The following MACROD2 variants were observed in gnomAD, a reference collection of about 807,000 sequenced individuals.
MACROD2 encodes the protein ADP-ribose glycohydrolase MACROD2.
A neutral mutation model predicts 70.4 loss-of-function variants in MACROD2; 36 were observed. The ratio of observed to expected loss-of-function variants is 0.51; its 90% CI spans 0.39 to 0.68. The LOEUF is 0.68. Among genes scored for constraint, MACROD2 ranks in the 30% least tolerant of loss-of-function variants. MACROD2 has a pLI of 0.00. For synonymous variants in MACROD2, 172 were observed against 178.8 expected (o/e 0.96, Z 0.30); for missense variants, 496 against 538.4 (o/e 0.92, Z 0.78).
At chr20:14,558,527 GA>G (rs565600521) in intron 4 of MACROD2, among the ~76,000 whole-genome samples, 60 of 151,596 alleles carry the variant, frequency 4.0e-4, no homozygotes, top group African/African-American at 1.4e-3. Context: ...ATGAATTTAA[GA>G]AAAAAATTGT....
chr20:15,066,380 C>T (rs6079651), intron 5 of MACROD2, among the ~76,000 whole-genome samples: 26,636 of 151,498 alleles, frequency 0.18, 2,812 homozygotes, highest in Non-Finnish European at 0.24. Context: ...GTGATCTGCC[C>T]ACCTCGGCCT....
At chr20:15,103,952 G>A (rs924001454) in intron 5 of MACROD2, among the ~76,000 whole-genome samples, 1 of 152,076 alleles carries the variant, frequency 6.6e-6, no homozygotes, top group Non-Finnish European at 1.5e-5. Context: ...TAGAGAATGG[G>A]TTACAATCAA....
At chr20:14,268,555 T>A (rs1413889812) in intron 3 of MACROD2, among the ~76,000 whole-genome samples, 3 of 152,160 alleles carry the variant, frequency 2.0e-5, no homozygotes, top group Non-Finnish European at 4.4e-5. Flanking sequence ...CAGGAAAATT[T>A]CCATAGATGA....
intron 5 of MACROD2, among the ~76,000 whole-genome samples, chr20:14,929,010 T>C (rs905648071): frequency 1.3e-5 from 2 of 152,130 alleles, no homozygotes; most frequent in Admixed American, 1.3e-4. Flanking sequence ...GCAAGGGAGG[T>C]TTATGAAGGG....
At chr20:15,219,923 G>A (rs1182836527) in intron 5 of MACROD2, among the ~76,000 whole-genome samples, 1 of 147,680 alleles carries the variant, frequency 6.8e-6, no homozygotes, top group Non-Finnish European at 1.5e-5. Context: ...GGAAATGACA[G>A]GTTTAGAGAA....
intron 8 of MACROD2, among the ~76,000 whole-genome samples, chr20:15,529,912 G>A (rs138768602): frequency 4.3e-4 from 66 of 152,260 alleles, no homozygotes; most frequent in Middle Eastern, 3.4e-3. Flanking sequence ...TATTCAGAGA[G>A]GTGACAGACA....
At chr20:14,020,234 A>G (rs902288362) in intron 2 of MACROD2, among the ~76,000 whole-genome samples, 1 of 152,202 alleles carries the variant, frequency 6.6e-6, no homozygotes, top group Non-Finnish European at 1.5e-5. Context: ...GCACTTTGGG[A>G]GGCCGAGGCA....
intron 5 of MACROD2, among the ~76,000 whole-genome samples, chr20:14,968,085 T>C (rs1354142286): frequency 6.6e-6 from 1 of 152,196 alleles, no homozygotes; most frequent in African/African-American, 2.4e-5. Flanking sequence ...TTGCCATACA[T>C]GATTGCAATT....
intron 5 of MACROD2, among the ~76,000 whole-genome samples, chr20:14,937,637 GAT>G (rs1035756445): frequency 6.6e-6 from 1 of 151,794 alleles, no homozygotes; most frequent in African/African-American, 2.4e-5. Context: ...GTGTAATTGG[GAT>G]ATATATATGT....
At chr20:15,564,839 A>G (rs1744714476) in intron 8 of MACROD2, among the ~76,000 whole-genome samples, 1 of 152,186 alleles carries the variant, frequency 6.6e-6, no homozygotes, top group Non-Finnish European at 1.5e-5. Context: ...TAAGTTATGA[A>G]CATCTTGCCA....
chr20:14,627,520 A>G (rs1264399362), intron 4 of MACROD2, among the ~76,000 whole-genome samples: 4 of 152,088 alleles, frequency 2.6e-5, no homozygotes, highest in Admixed American at 2.6e-4. Flanking sequence ...TCACTACTTT[A>G]CAGGCATTGT....
intron 8 of MACROD2, among the ~76,000 whole-genome samples, chr20:15,671,421 G>T (rs73105633): frequency 0.022 from 3,362 of 152,196 alleles, 62 homozygotes; most frequent in Non-Finnish European, 0.037. Flanking sequence ...AAGGGGTGGG[G>T]GGATTATGGC....
intron 4 of MACROD2, among the ~76,000 whole-genome samples, chr20:14,562,216 C>T (rs994167582): frequency 2.0e-5 from 3 of 151,784 alleles, no homozygotes; most frequent in African/African-American, 7.3e-5. Flanking sequence ...TTTTCATGAT[C>T]TCGTCTACAT....
chr20:14,835,421 A>G (rs2073018800), intron 5 of MACROD2, among the ~76,000 whole-genome samples: 1 of 152,124 alleles, frequency 6.6e-6, no homozygotes, highest in Non-Finnish European at 1.5e-5. Flanking sequence ...CCCTATTTAG[A>G]GGAAAGTTGG....
chr20:14,604,010 T>G (rs1046436807), intron 4 of MACROD2, among the ~76,000 whole-genome samples: 1 of 152,176 alleles, frequency 6.6e-6, no homozygotes, highest in Admixed American at 6.6e-5. Flanking sequence ...TCATTCACCT[T>G]CATTGGCCAC....
At chr20:15,369,118 G>C (rs2146258916) in intron 6 of MACROD2, among the ~76,000 whole-genome samples, 2 of 152,132 alleles carry the variant, frequency 1.3e-5, no homozygotes, top group East Asian at 3.9e-4. Context: ...CACTAGAGAG[G>C]AGTAAAAATT....
At chr20:14,968,149 A>G (rs2074655678) in intron 5 of MACROD2, among the ~76,000 whole-genome samples, 1 of 152,214 alleles carries the variant, frequency 6.6e-6, no homozygotes, top group Non-Finnish European at 1.5e-5. Flanking sequence ...GTCAAAAAAC[A>G]TATTAGCTGA....
Position 16,041,243 on chromosome 20 carries a change from G to T in MACROD2, c.1196G>T (p.Gly399Val). 8 of 1,612,138 alleles carry T rather than the reference G, an allele frequency of 5.0e-6. No homozygotes were observed. The highest frequency in any genetic ancestry group is 6.8e-6 in the Non-Finnish European group (8 of 1,178,964). ...CCTAGGATGCCTGGGAAAAGTGAAG[G>T]CTCCAGTGACCTAGAAAATACTCCA... ...DTPRMPGKSE[G>V]SSDLENTPGP... Residue 399 changes from glycine to valine, a missense_variant, in exon 16 of 18, where the codon GGC becomes GTC. Physicochemically the swap from Gly to Val is moderately radical, Grantham distance 109 (BLOSUM62 -3). Transcript: ENST00000684519.
chr20:15,993,241 T>A (rs997205843), intron 15 of MACROD2, among the ~76,000 whole-genome samples: 2 of 72,470 alleles, frequency 2.8e-5, no homozygotes, highest in African/African-American at 8.2e-5. Flanking sequence ...AGAGTGTGTG[T>A]GTGTGTGTGT....
Sources: gnomAD v4.1 joint callset for allele counts (sites outside exome capture counted in the v4.1 genomes callset) on GRCh38, gnomAD v4.1.1 for gene constraint, MANE v1.5 for transcripts, NCBI Gene and HGNC (gene_info 2026-07-23, HGNC 2026-07-21) for gene names.